SYTL2: variants seen among roughly 807,000 people sequenced by gnomAD.
SYTL2 encodes synaptotagmin like 2.
In SYTL2, 165 loss-of-function variants were observed where a neutral mutation model predicts 198.7. The ratio of observed to expected loss-of-function variants is 0.83; its 90% CI spans 0.73 to 0.94. SYTL2 has a LOEUF of 0.94. Ranked by LOEUF, SYTL2 falls within the 40% of genes least tolerant of loss-of-function variation. The pLI is 0.00. For missense variants in SYTL2, 2,835 were observed against 2,582.8 expected (o/e 1.10, Z -2.12); for synonymous variants, 966 against 917.7 (o/e 1.05, Z -0.95).
At position 85,734,384 on chromosome 11, in the gene SYTL2, C is replaced by CA. The variant is rs1475818001; in HGVS notation, c.944_945insT (p.Glu315AspfsTer27). The CA allele has an allele frequency of 6.2e-7, 1 of 1,614,198 alleles. No homozygotes were observed. Among genetic ancestry groups the CA allele is most frequent in the African/African-American group, 1.3e-5 (1 of 75,046 alleles). On this transcript the variant is annotated frameshift_variant, in exon 7 of 20. Transcript: ENST00000359152. LOFTEE classifies it high-confidence loss of function. ...GGGAAGAGTTGTCTTCTAAAGAATGCTCCTTCTCAGAAATTCTCTCATGGA... is the reference window on the plus strand; with the variant it reads ...GGGAAGAGTTGTCTTCTAAAGAATGCATCCTTCTCAGAAATTCTCTCATGGA...
chr11:85,752,938 A>C lies in SYTL2; in HGVS notation c.102-4515T>G, dbSNP rs1330242788. 4.2e-5 allele frequency among the ~76,000 whole-genome samples: 6 copies of C among 143,542 alleles called. No individual in the cohort carries two copies. The East Asian group carries it at 6.0e-4, about 14-fold the overall frequency. 94.2% of individuals were successfully genotyped at this position (143,542 alleles called of 152,430 possible). On this transcript the variant is annotated intron_variant, in intron 2 of 19. Transcript: ENST00000359152. ...TCATTAAAAAAAAAAAAAAAAAAAA[A>C]AAAAAAAAAAAAACACAACTAGGTC...
chr11:85,834,094 A>G, the SYTL2 span, among the ~76,000 whole-genome samples: 4 of 152,248 alleles, frequency 2.6e-5, no homozygotes, highest in African/African-American at 9.6e-5. Flanking sequence ...CTTGCAATTA[A>G]AACACAAGGA....
At chr11:85,852,566 G>C in the SYTL2 span, 1 of 162,712 alleles carries the variant, frequency 6.1e-6, no homozygotes. Context: ...TGGTGGAGAC[G>C]GGGTTTCACG....
intron 1 of SYTL2, among the ~76,000 whole-genome samples, chr11:85,760,901 G>T (rs2092077418): frequency 6.6e-6 from 1 of 152,172 alleles, no homozygotes; most frequent in Non-Finnish European, 1.5e-5. Context: ...TGGGTAGGTA[G>T]GAATCAGTGC....
intron 16 of SYTL2, among the ~76,000 whole-genome samples, chr11:85,703,834 T>G (rs1370356517): frequency 3.3e-5 from 5 of 152,166 alleles, no homozygotes; most frequent in Admixed American, 6.5e-5. Context: ...TGTTCTTGGT[T>G]CCTTCCACTG....
chr11:85,747,575 T>C (rs2091241937), intron 3 of SYTL2, among the ~76,000 whole-genome samples: 1 of 152,200 alleles, frequency 6.6e-6, no homozygotes, highest in African/African-American at 2.4e-5. Context: ...TAAATGTTAC[T>C]ATTGTAGGCC....
At chr11:85,715,466 G>A (rs1424687762) in intron 11 of SYTL2, among the ~76,000 whole-genome samples, 1 of 151,948 alleles carries the variant, frequency 6.6e-6, no homozygotes, top group Non-Finnish European at 1.5e-5. Context: ...CAGATACATT[G>A]ACTTTATCAT....
intron 1 of SYTL2, among the ~76,000 whole-genome samples, chr11:85,768,191 C>T (rs1353357129): frequency 1.3e-5 from 2 of 152,178 alleles, no homozygotes; most frequent in South Asian, 2.1e-4. Flanking sequence ...ATGCACTGAG[C>T]TCCTACTGTG....
At chr11:85,835,464 T>C in the SYTL2 span, among the ~76,000 whole-genome samples, 1 of 152,226 alleles carries the variant, frequency 6.6e-6, no homozygotes, top group Non-Finnish European at 1.5e-5. Context: ...ATGATTATTT[T>C]TCCTTTCTTG....
chr11:85,731,226 GAA>G (rs1455220244), intron 7 of SYTL2, among the ~76,000 whole-genome samples: 2 of 152,186 alleles, frequency 1.3e-5, no homozygotes, highest in African/African-American at 4.8e-5. Context: ...CACAGAATTA[GAA>G]AAAAGTTTAA....
intron 3 of SYTL2, 94 bp downstream of exon 3, chr11:85,748,178 T>C: frequency 1.5e-6 from 2 of 1,368,172 alleles, no homozygotes; most frequent in East Asian, 2.3e-5. Flanking sequence ...ATCCAAATGA[T>C]TTCCATCAGC....
intron 12 of SYTL2, among the ~76,000 whole-genome samples, chr11:85,713,581 C>T (rs995780943): frequency 1.3e-5 from 2 of 152,086 alleles, no homozygotes; most frequent in African/African-American, 4.8e-5. Flanking sequence ...AGTCAAAGGA[C>T]CTGAGTTAAA....
chr11:85,854,407 C>G, the SYTL2 span: 1 of 150,672 alleles, frequency 6.6e-6, no homozygotes, highest in Non-Finnish European at 1.5e-5. Context: ...AAAGGCTGTA[C>G]GTGTAGGATT....
Position 85,708,837 on chromosome 11 carries a change from ATTTTTTTT to A in SYTL2, c.5915+486_5915+493del, listed in dbSNP as rs72460497. 5.6e-5 allele frequency among the ~76,000 whole-genome samples: 4 copies of A among 71,594 alleles called. No individual in the cohort carries two copies. In the Admixed American group the frequency reaches 6.1e-4, roughly 11 times the overall value. The allele number at this position is 71,594 out of a possible 152,430, so 47.0% of individuals were successfully genotyped here. ...TTGAAACATTTTGTGCTTCTCTGTG[ATTTTTTTT>A]TTTTTTTTTTTTTTTTTTGAGATGG... On this transcript the variant is annotated intron_variant, in intron 14 of 19. Transcript: ENST00000359152.
At chr11:85,786,605 T>G (rs1198236775) in intron 1 of SYTL2, among the ~76,000 whole-genome samples, 1 of 152,156 alleles carries the variant, frequency 6.6e-6, no homozygotes, top group East Asian at 1.9e-4. Context: ...TCTGCTACCA[T>G]CAGCACTACC....
chr11:85,827,919 C>T, the SYTL2 span, among the ~76,000 whole-genome samples: 3 of 152,260 alleles, frequency 2.0e-5, no homozygotes, highest in South Asian at 6.2e-4. Context: ...TGCTAGGCAA[C>T]CTCAATGTGG....
At chr11:85,700,754 G>T in intron 16 of SYTL2, 161 bp from the exon 17 acceptor site, 1 of 548,960 alleles carries the variant, frequency 1.8e-6, no homozygotes, top group Non-Finnish European at 3.2e-6. Flanking sequence ...CTAGACTGTT[G>T]CCTTAATACC....
upstream of SYTL2, among the ~76,000 whole-genome samples, chr11:85,815,381 C>T (rs1320549424): frequency 6.6e-6 from 1 of 152,160 alleles, no homozygotes; most frequent in Non-Finnish European, 1.5e-5. Context: ...GCATTTAAAA[C>T]ACAATTTAGT....
At position 85,726,704 on chromosome 11, in the gene SYTL2, G is replaced by A. The variant is rs61742270; in HGVS notation, c.2654C>T (p.Ala885Val). 315 of 1,536,154 alleles carry A rather than the reference G, an allele frequency of 2.1e-4. 1 individual carries two copies. The African/African-American group carries it at 3.9e-3, about 19-fold the overall frequency. ...TGAAAGATAGTATCTGGATGGACCTGCTATTTGTGGCTTGGTCTCTTTAGA... is the reference window on the plus strand; with the variant it reads ...TGAAAGATAGTATCTGGATGGACCTACTATTTGTGGCTTGGTCTCTTTAGA... ...NKSKETKPQI[A>V]GPSRYYLSAE... Residue 885 changes from alanine (A) to valine (V), a missense_variant, in exon 8 of 20, where the codon GCA becomes GTA. Physicochemically the swap from Ala to Val is moderately conservative, Grantham distance 64. Coordinates refer to ENST00000359152, the MANE Select transcript of SYTL2 (RefSeq NM_206927.4).
Sources: allele counts gnomAD v4.1 joint callset (sites outside exome capture counted in the v4.1 genomes callset), GRCh38; gene constraint gnomAD v4.1.1; transcripts MANE v1.5; gene names NCBI Gene and HGNC (gene_info 2026-07-23, HGNC 2026-07-21).